Variants in SDK1 observed in about 807,000 individuals in gnomAD.
SDK1 encodes the protein protein sidekick-1.
SDK1 carries 157 observed loss-of-function variants against 245.5 expected under a neutral mutation model. The ratio of observed to expected loss-of-function variants is 0.64; its 90% confidence interval spans 0.56 to 0.73. SDK1 has a LOEUF of 0.73. Ranked by LOEUF, SDK1 falls within the 30% of genes least tolerant of loss-of-function variation. The probability of loss-of-function intolerance (pLI) is 0.00; values close to 1 mark genes in which losing one functional copy is unlikely to be tolerated. For missense variants in SDK1, 3,583 were observed against 3,002.3 expected, an observed-to-expected ratio of 1.19 and a Z score of -4.52; for synonymous variants, 1,647 against 1,278.5, an observed-to-expected ratio of 1.29 and a Z score of -6.15.
intron 2 of SDK1, among the ~76,000 whole-genome samples, chr7:3,623,338 C>G (rs1782003783): frequency 6.7e-6 from 1 of 149,452 alleles, no homozygotes; most frequent in Admixed American, 6.8e-5. Context: ...ACCTTCGTCT[C>G]CTGGTCTCAA....
rs1017469933 is a variant in SDK1, at chr7:3,962,405, T to C, written c.1235-252T>C. Among the ~76,000 whole-genome samples, 5 of 152,136 alleles carry C rather than the reference T, an allele frequency of 3.3e-5. No homozygotes were observed. The South Asian group carries it at 6.2e-4, about 19-fold the overall frequency. ...AAACAAGAGCATGAGCCTGTGTGGGTTCGGAGTGGAGCCTGGAAGGCACCG... is the reference window on the plus strand; with the variant it reads ...AAACAAGAGCATGAGCCTGTGTGGGCTCGGAGTGGAGCCTGGAAGGCACCG... On this transcript the variant is annotated intron_variant, in intron 8 of 44. Coordinates refer to ENST00000404826, the MANE Select transcript of SDK1 (RefSeq NM_152744.4).
intron 4 of SDK1, among the ~76,000 whole-genome samples, chr7:3,805,379 C>A (rs1779216000): frequency 1.3e-5 from 2 of 152,192 alleles, no homozygotes; most frequent in Non-Finnish European, 2.9e-5. Flanking sequence ...TATTGATGCT[C>A]AAATTGCCCC....
chr7:3,933,011 T>G (rs1223291887), intron 5 of SDK1, among the ~76,000 whole-genome samples: 1 of 151,948 alleles, frequency 6.6e-6, no homozygotes, highest in African/African-American at 2.4e-5. Context: ...TGGGGGCAGC[T>G]GGTGCCACCG....
chr7:3,846,082 AGT>A (rs1780271091), intron 5 of SDK1, among the ~76,000 whole-genome samples: 1 of 152,220 alleles, frequency 6.6e-6, no homozygotes, highest in African/African-American at 2.4e-5. Context: ...CCAGAAGGAA[AGT>A]GCGTCCCAGG....
rs556276048 is a variant in SDK1 at position 4,138,471 on chromosome 7, C to T, written c.4228+6048C>T. On this transcript the variant is annotated intron_variant, in intron 28 of 44. Transcript: ENST00000404826. ...AGAAAAATGATTACCAAAGGCCAGG[C>T]ATGGTGGCTCATGCCTGTAATCCCA... Among the ~76,000 whole-genome samples the T allele has an allele frequency of 3.8e-4, 58 of 152,200 alleles. No individual in the cohort carries two copies. The East Asian group carries it at 5.0e-3, about 13-fold the overall frequency.
intron 5 of SDK1, among the ~76,000 whole-genome samples, chr7:3,825,594 C>G (rs564797563): frequency 6.6e-6 from 1 of 152,322 alleles, no homozygotes; most frequent in African/African-American, 2.4e-5. Context: ...TCAGCTGATC[C>G]TCCTTCAGGC....
intron 35 of SDK1, among the ~76,000 whole-genome samples, chr7:4,185,595 A>ACG (rs1712738683): frequency 1.3e-5 from 2 of 152,104 alleles, no homozygotes; most frequent in Admixed American, 1.3e-4. Flanking sequence ...CCCTGCATCC[A>ACG]CGCGAGCCCT....
chr7:3,692,207 ATTCT>A (rs890458528), intron 4 of SDK1, among the ~76,000 whole-genome samples: 1 of 152,160 alleles, frequency 6.6e-6, no homozygotes, highest in Non-Finnish European at 1.5e-5. Context: ...TTCTTAAAAA[ATTCT>A]TTCTGATTCT....
intron 4 of SDK1, among the ~76,000 whole-genome samples, chr7:3,680,532 G>T (rs1784067961): frequency 6.6e-6 from 1 of 152,162 alleles, no homozygotes; most frequent in Admixed American, 6.5e-5. Context: ...TGCAGGTTTT[G>T]ATATTGTACC....
At chr7:4,045,636 C>G (rs577095791) in intron 17 of SDK1, among the ~76,000 whole-genome samples, 1 of 152,204 alleles carries the variant, frequency 6.6e-6, no homozygotes, top group South Asian at 2.1e-4. Flanking sequence ...GCATGTTTAA[C>G]TTCGTAAGAA....
At position 4,174,323 on chromosome 7, in the gene SDK1, C is replaced by G. The variant is rs138281622; in HGVS notation, c.4902C>G (p.Leu1634=). The change falls in exon 33 of 45, where the codon CTC becomes CTG. Residue 1634 remains leucine, a synonymous_variant. Transcript: ENST00000404826. The part of the protein sequence containing the change: ...EAGSGTEAKT[L]KNPIALHAEL... ...GGTCAGGCACTGAGGCCAAGACGCT[C>G]AAAAACCCTATAGCTTTACATGCTG... 29 of 1,613,514 alleles carry G rather than the reference C, an allele frequency of 1.8e-5. No individual in the cohort carries two copies. The highest frequency in any genetic ancestry group is 2.3e-5 in the Non-Finnish European group (27 of 1,179,612).
At chr7:3,779,958 A>C (rs75766193) in intron 4 of SDK1, among the ~76,000 whole-genome samples, 1 of 151,620 alleles carries the variant, frequency 6.6e-6, no homozygotes, top group African/African-American at 2.4e-5. Flanking sequence ...AAAAAAAAAA[A>C]AAAGATGATG....
chr7:4,245,446 C>T (rs1289762563), intron 43 of SDK1, among the ~76,000 whole-genome samples: 1 of 152,174 alleles, frequency 6.6e-6, no homozygotes, highest in Non-Finnish European at 1.5e-5. Flanking sequence ...TTCCTCCATG[C>T]CTGCAGGCCT....
At chr7:4,045,934 G>T (rs539259874) in intron 17 of SDK1, among the ~76,000 whole-genome samples, 1 of 152,032 alleles carries the variant, frequency 6.6e-6, no homozygotes, top group South Asian at 2.1e-4. Flanking sequence ...TCTTTTTTCT[G>T]CATAGTAGGT....
chr7:3,335,738 A>G (rs970581411), intron 1 of SDK1, among the ~76,000 whole-genome samples: 16 of 151,514 alleles, frequency 1.1e-4, no homozygotes, highest in Admixed American at 7.9e-4. Context: ...TAGTAATCCA[A>G]CCAGACCAGT....
chr7:4,262,464 G>C (rs1441525209), intron 44 of SDK1, among the ~76,000 whole-genome samples: 1 of 150,846 alleles, frequency 6.6e-6, no homozygotes, highest in African/African-American at 2.4e-5. Context: ...TTTATAAAAA[G>C]GAAAAAAAAA....
chr7:4,238,956 T>C (rs1786358214), intron 42 of SDK1, among the ~76,000 whole-genome samples: 1 of 152,114 alleles, frequency 6.6e-6, no homozygotes, highest in African/African-American at 2.4e-5. Flanking sequence ...CAGACGTTGA[T>C]GTTTTGCTGT....
chr7:3,912,722 C>A (rs531855265), intron 5 of SDK1, among the ~76,000 whole-genome samples: 1 of 152,224 alleles, frequency 6.6e-6, no homozygotes, highest in Non-Finnish European at 1.5e-5. Context: ...TGGCAGAGAC[C>A]GGCACGGTCT....
In SDK1 at chr7:3,683,529, C is replaced by G. The variant is rs576965622; in HGVS notation, c.713+41424C>G. On this transcript the variant is annotated intron_variant, in intron 4 of 44. Transcript: ENST00000404826. ...ATGAGGACAAGAAACTCACATATAC[C>G]TGGTGCATAGTAGGTGTTCAGAAAC... 2.6e-5 allele frequency among the ~76,000 whole-genome samples: 4 copies of G among 152,266 alleles called. No homozygotes were observed. The South Asian group carries it at 8.3e-4, about 32-fold the overall frequency.
Sources: gnomAD v4.1 joint callset for allele counts (sites outside exome capture counted in the v4.1 genomes callset) on GRCh38, gnomAD v4.1.1 for gene constraint, MANE v1.5 for transcripts, NCBI Gene and HGNC (gene_info 2026-07-23, HGNC 2026-07-21) for gene names.